MACROD2: variants seen among roughly 807,000 people sequenced by gnomAD.
MACROD2 encodes ADP-ribose glycohydrolase MACROD2.
In MACROD2, 36 loss-of-function variants were observed where a neutral mutation model predicts 70.4. The ratio of observed to expected loss-of-function variants is 0.51; its 90% confidence interval spans 0.39 to 0.68. The LOEUF (loss-of-function observed/expected upper bound fraction) is 0.68, where lower values mean the gene tolerates loss of function less well. Among genes scored for constraint, MACROD2 ranks in the 30% least tolerant of loss-of-function variants. The pLI is 0.00. For synonymous variants in MACROD2, 172 were observed against 178.8 expected (o/e 0.96, Z 0.30); for missense variants, 496 against 538.4 (o/e 0.92, Z 0.78).
chr20:14,186,313 C>T (rs1235419639), intron 3 of MACROD2, among the ~76,000 whole-genome samples: 1 of 151,960 alleles, frequency 6.6e-6, no homozygotes, highest in African/African-American at 2.4e-5. Context: ...TGGTACTTCT[C>T]AAAAGAAGAC....
intron 3 of MACROD2, among the ~76,000 whole-genome samples, chr20:14,254,338 A>C (rs1412909159): frequency 2.0e-5 from 3 of 152,088 alleles, no homozygotes; most frequent in East Asian, 1.9e-4. Context: ...AAGAATATAC[A>C]CTTGAATGTA....
chr20:15,550,334 G>GAAATATTTAAATAAATATTTAAAATAAA (rs1447743843), intron 8 of MACROD2, among the ~76,000 whole-genome samples: 8 of 149,626 alleles, frequency 5.3e-5, no homozygotes, highest in African/African-American at 2.0e-4. Context: ...TTTAAAATAA[G>GAAATATTTAAATAAATATTTAAAATAAA]AAATATTTAT....
intron 3 of MACROD2, among the ~76,000 whole-genome samples, chr20:14,393,231 C>A (rs1467330646): frequency 1.3e-5 from 2 of 152,094 alleles, no homozygotes; most frequent in African/African-American, 4.8e-5. Context: ...GTTTAGAAAA[C>A]TTCTGAATGA....
At chr20:14,784,020 C>T (rs1305568550) in intron 5 of MACROD2, among the ~76,000 whole-genome samples, 1 of 152,082 alleles carries the variant, frequency 6.6e-6, no homozygotes, top group Non-Finnish European at 1.5e-5. Flanking sequence ...CAGGTACTAG[C>T]AGTCAGGCCT....
intron 8 of MACROD2, among the ~76,000 whole-genome samples, chr20:15,772,842 A>G (rs1191920128): frequency 6.6e-6 from 1 of 152,214 alleles, no homozygotes; most frequent in Non-Finnish European, 1.5e-5. Context: ...CTATTGCAGT[A>G]CAAAATAAAT....
At chr20:15,893,702 C>T (rs2064924262) in intron 10 of MACROD2, 2 of 456,574 alleles carry the variant, frequency 4.4e-6, no homozygotes, top group African/African-American at 2.0e-5. Context: ...TAGAGCAGTA[C>T]AAAATTTTAA....
intron 3 of MACROD2, among the ~76,000 whole-genome samples, chr20:14,228,851 AC>A (rs1309067709): frequency 4.4e-3 from 1 of 228 alleles, no homozygotes; most frequent in East Asian, 0.1. Flanking sequence ...ACTAAAAATA[AC>A]AAAAATTAGC....
chr20:14,966,025 C>T (rs75315638), intron 5 of MACROD2, among the ~76,000 whole-genome samples: 2,228 of 152,010 alleles, frequency 0.015, 36 homozygotes, highest in Admixed American at 0.037. Context: ...TTTTTCATTC[C>T]TCATTATTAA....
At chr20:14,350,029 G>A (rs988677151) in intron 3 of MACROD2, among the ~76,000 whole-genome samples, 2 of 151,676 alleles carry the variant, frequency 1.3e-5, no homozygotes, top group African/African-American at 2.4e-5. Flanking sequence ...GATTACAGGC[G>A]TGAGCCACTG....
rs112246191 is a variant in MACROD2, at chr20:16,030,338, A to G, written c.1154-10863A>G. Among the ~76,000 whole-genome samples the G allele has an allele frequency of 3.7e-3, 560 of 152,304 alleles. 6 individuals carry two copies. The highest frequency in any genetic ancestry group is 0.013 in the African/African-American group (537 of 41,558). On this transcript the variant is annotated intron_variant, in intron 15 of 17. Transcript: ENST00000684519. ...TTACCCCTCCCAAGGAAAACCTCCA[A>G]ATGAAAGGCTTCTAGGCAGCTGCTG...
chr20:15,077,488 A>G (rs910928218), intron 5 of MACROD2, among the ~76,000 whole-genome samples: 1 of 152,230 alleles, frequency 6.6e-6, no homozygotes, highest in East Asian at 1.9e-4. Context: ...GTAAAGCACT[A>G]TCTAAATGTA....
At chr20:15,062,079 G>A (rs1434923447) in intron 5 of MACROD2, among the ~76,000 whole-genome samples, 2 of 152,150 alleles carry the variant, frequency 1.3e-5, no homozygotes, top group South Asian at 4.1e-4. Context: ...GTGGTCACTT[G>A]CTAACATACC....
At chr20:16,004,690 G>A (rs960559435) in intron 15 of MACROD2, among the ~76,000 whole-genome samples, 9 of 152,190 alleles carry the variant, frequency 5.9e-5, no homozygotes, top group African/African-American at 1.4e-4. Context: ...ACACACAGCC[G>A]CAGGACCAGC....
At chr20:15,770,159 A>T (rs2051601041) in intron 8 of MACROD2, among the ~76,000 whole-genome samples, 1 of 135,942 alleles carries the variant, frequency 7.4e-6, no homozygotes, top group African/African-American at 2.9e-5. Context: ...CAGTGGCATG[A>T]TCATAGCTCA....
At chr20:15,086,136 C>A (rs1027800011) in intron 5 of MACROD2, among the ~76,000 whole-genome samples, 1 of 152,068 alleles carries the variant, frequency 6.6e-6, no homozygotes, top group Non-Finnish European at 1.5e-5. Flanking sequence ...ATGTTAACAT[C>A]TGAGAACCAC....
At chr20:15,037,131 C>T (rs933248720) in intron 5 of MACROD2, among the ~76,000 whole-genome samples, 9 of 152,106 alleles carry the variant, frequency 5.9e-5, no homozygotes, top group South Asian at 4.1e-4. Flanking sequence ...GGTACTTATG[C>T]GGTGGCACTT....
intron 5 of MACROD2, among the ~76,000 whole-genome samples, chr20:14,693,101 A>G (rs1055429977): frequency 6.6e-6 from 1 of 152,188 alleles, no homozygotes; most frequent in Admixed American, 6.5e-5. Context: ...GTGTAAATCA[A>G]TTCTAGGTAA....
chr20:15,401,042 CTT>C (rs11337547), intron 6 of MACROD2, among the ~76,000 whole-genome samples: 5 of 145,004 alleles, frequency 3.4e-5, no homozygotes, highest in African/African-American at 1.0e-4. Context: ...GCAGCTTGTT[CTT>C]TTTTTTTTTT....
intron 6 of MACROD2, among the ~76,000 whole-genome samples, chr20:15,365,494 T>A (rs1408861354): frequency 1.3e-5 from 2 of 151,948 alleles, no homozygotes; most frequent in Admixed American, 1.3e-4. Flanking sequence ...TGAAACCCTG[T>A]ACTAAAAATA....
Sources: gnomAD v4.1 joint callset for allele counts (sites outside exome capture counted in the v4.1 genomes callset) on GRCh38, gnomAD v4.1.1 for gene constraint, MANE v1.5 for transcripts, NCBI Gene and HGNC (gene_info 2026-07-23, HGNC 2026-07-21) for gene names.